The following KIF1B variants were observed in gnomAD, a reference collection of about 807,000 sequenced individuals.
KIF1B encodes the protein kinesin family member 1B.
In KIF1B, 76 loss-of-function variants were observed where a neutral mutation model predicts 241.9. The observed-to-expected ratio is 0.31, with a 90% CI of 0.26 to 0.38. The LOEUF (loss-of-function observed/expected upper bound fraction) is 0.38. Ranked by LOEUF, KIF1B falls within the 10% of genes least tolerant of loss-of-function variation. KIF1B has a pLI of 1.00. For missense variants in KIF1B, 1,622 were observed against 2,271.4 expected, an observed-to-expected ratio of 0.71 and a Z score of 5.81; for synonymous variants, 750 against 796.7, an observed-to-expected ratio of 0.94 and a Z score of 0.99.
chr1:10,292,029 T>G lies in KIF1B; in HGVS notation c.1515-18T>G, dbSNP rs375149695. 3.0e-5 allele frequency: 48 copies of G among 1,608,164 alleles called. No homozygotes were observed. The highest frequency in any genetic ancestry group is 3.8e-5 in the Non-Finnish European group (45 of 1,174,588). On this transcript the variant is annotated intron_variant, in intron 16 of 48. Coordinates refer to ENST00000676179, the MANE Select transcript of KIF1B (RefSeq NM_001365951.3). ...ACATTTTGGTATTAGTGTTCTGATA[T>G]ACCTGTTTTTTTCCTAGAGAGGCTT...
intron 2 of KIF1B, among the ~76,000 whole-genome samples, chr1:10,250,950 G>A (rs995729730): frequency 6.6e-6 from 1 of 152,120 alleles, no homozygotes; most frequent in Non-Finnish European, 1.5e-5. Flanking sequence ...ATCACCTGAG[G>A]TAAGGATCCT....
In KIF1B at chr1:10,377,739, C is replaced by G; in HGVS notation, c.*1152C>G. ...AGATCACGAGATCAGGAGTTCAAGA[C>G]CAGCCTGGCCAATATGATGAAACCC... is the stretch of plus-strand genomic sequence containing the variant. On this transcript the variant is annotated 3_prime_UTR_variant, in exon 49 of 49. Transcript: ENST00000676179. 5.4e-6 allele frequency: 1 copy of G among 185,750 alleles called. No homozygotes were observed. Among genetic ancestry groups the G allele is most frequent in the Admixed American group, 6.2e-5 (1 of 16,080 alleles). The allele number at this position is 185,750 out of a possible 1,614,324, so 11.5% of individuals were successfully genotyped here.
chr1:10,331,380 G>A (rs1230514710), intron 27 of KIF1B, among the ~76,000 whole-genome samples: 4 of 152,038 alleles, frequency 2.6e-5, no homozygotes, highest in East Asian at 3.8e-4. Context: ...TCATTCTTAC[G>A]TTTTTTTACA....
rs1485117596 is a variant in KIF1B at position 10,267,455 on chromosome 1, C to T, written c.505C>T (p.Arg169Cys). Residue 169 changes from arginine to cysteine, a missense_variant, in exon 6 of 49, where the codon CGT becomes TGT. Arg to Cys is a radical substitution (Grantham distance 180). Around this residue, in one of 7 missense-constraint regions of KIF1B, gnomAD observed 156 missense variants for 244.8 expected, o/e 0.64. Coordinates refer to ENST00000676179, the MANE Select transcript of KIF1B (RefSeq NM_001365951.3). ...AAAAAACAAGGGTAATTTGCGTGTGCGTGAACACCCACTTCTTGGACCCTA... is the reference window on the plus strand; with the variant it reads ...AAAAAACAAGGGTAATTTGCGTGTGTGTGAACACCCACTTCTTGGACCCTA... ...NPKNKGNLRV[R>C]EHPLLGPYVE... 1 of 1,614,132 alleles carries T rather than the reference C, an allele frequency of 6.2e-7. No individual in the cohort carries two copies. The highest frequency in any genetic ancestry group is 1.7e-5 in the Admixed American group (1 of 60,022).
Position 10,362,152 on chromosome 1 carries a change from A to T in KIF1B, c.4304+327A>T, listed in dbSNP as rs536512950. Among the ~76,000 whole-genome samples the T allele has an allele frequency of 4.6e-5, 7 of 152,316 alleles. No individual in the cohort carries two copies. In the South Asian group the frequency reaches 1.0e-3, roughly 23 times the overall value. On this transcript the variant is annotated intron_variant, in intron 40 of 48. Transcript: ENST00000676179. ...AATTTTCTTCTTTTTAAGATTTGTTATGCATATTTAAGGCATACAAAATAT... is the reference window on the plus strand; with the variant it reads ...AATTTTCTTCTTTTTAAGATTTGTTTTGCATATTTAAGGCATACAAAATAT...
chr1:10,262,098 C>G, intron 5 of KIF1B, 128 bp downstream of exon 5: 1 of 744,056 alleles, frequency 1.3e-6, no homozygotes, highest in South Asian at 1.5e-5. Context: ...TCCTTTCAGG[C>G]TATTTCTGGG....
chr1:10,358,519 C>CCCCG (rs1275760703), intron 38 of KIF1B, among the ~76,000 whole-genome samples: 1 of 151,988 alleles, frequency 6.6e-6, no homozygotes, highest in African/African-American at 2.4e-5. Context: ...GACAAATAAG[C>CCCCG]CCCGCCCCTT....
Position 10,303,112 on chromosome 1 carries a change from A to G in KIF1B, c.2115+5866A>G. On this transcript the variant is annotated intron_variant, in intron 22 of 48. Transcript: ENST00000676179. This position sits in a 1 kb window ranked among gnomAD's most constrained non-coding sequence, Gnocchi z 5.2. ...CTTCGATTTAATTTTCCTTTTTTAC[A>G]TTTTAATTTTGGTTATTTTGGGGCC... 1.9e-6 allele frequency: 3 copies of G among 1,573,710 alleles called. No individual in the cohort carries two copies. Among genetic ancestry groups the G allele is most frequent in the Non-Finnish European group, 2.6e-6 (3 of 1,163,590 alleles).
intron 22 of KIF1B, chr1:10,306,939 G>T: frequency 9.6e-7 from 1 of 1,045,150 alleles, no homozygotes. Flanking sequence ...TGGTGATTAG[G>T]TAATACTGTA....
chr1:10,276,668 G>C (rs753226873), intron 12 of KIF1B, among the ~76,000 whole-genome samples: 1 of 152,102 alleles, frequency 6.6e-6, no homozygotes, highest in Non-Finnish European at 1.5e-5. Flanking sequence ...TTTTTCATAG[G>C]AAAGATTTTT....
rs925443785 is a variant in KIF1B, at chr1:10,304,185, TAAA to T, written c.2115+6940_2115+6942del. On this transcript the variant is annotated intron_variant, in intron 22 of 48. Transcript: ENST00000676179. ...AAGACGATGAAGCAAGGAAAGGGAA[TAAA>T]GAAGAGAGCCAAGAAAAAGGGGGTA... 1.2e-5 allele frequency: 19 copies of T among 1,613,732 alleles called. No individual in the cohort carries two copies. The highest frequency in any genetic ancestry group is 1.5e-5 in the Non-Finnish European group (18 of 1,179,972).
intron 14 of KIF1B, among the ~76,000 whole-genome samples, chr1:10,280,181 G>A (rs1649334594): frequency 6.8e-6 from 1 of 146,364 alleles, no homozygotes; most frequent in Non-Finnish European, 1.6e-5. Flanking sequence ...GAAGAAAAAT[G>A]TCTTGATTTT....
intron 37 of KIF1B, among the ~76,000 whole-genome samples, chr1:10,351,746 G>A (rs777416278): frequency 3.9e-5 from 6 of 152,132 alleles, no homozygotes; most frequent in Admixed American, 2.6e-4. Context: ...CAGGAGGATC[G>A]TTTGAGCTCA....
At chr1:10,339,367 T>C (rs573516248) in intron 31 of KIF1B, among the ~76,000 whole-genome samples, 5 of 152,360 alleles carry the variant, frequency 3.3e-5, no homozygotes, top group East Asian at 1.9e-4. Context: ...CAGACTCTTA[T>C]GTAACTATGC....
chr1:10,343,109 C>G, intron 33 of KIF1B, 123 bp from the exon 34 acceptor site: 1 of 958,984 alleles, frequency 1.0e-6, no homozygotes, highest in Non-Finnish European at 1.6e-6. Context: ...TACGTACATT[C>G]TCACTCCTAC....
At chr1:10,312,039 C>G (rs539871940) in intron 22 of KIF1B, among the ~76,000 whole-genome samples, 1 of 151,308 alleles carries the variant, frequency 6.6e-6, no homozygotes, top group Non-Finnish European at 1.5e-5. Flanking sequence ...ATTCTGTCTG[C>G]AAACCTCTGC....
intron 7 of KIF1B, among the ~76,000 whole-genome samples, chr1:10,271,299 G>A (rs1013158357): frequency 1.3e-5 from 2 of 152,168 alleles, no homozygotes; most frequent in Non-Finnish European, 2.9e-5. Context: ...TGGGACTACA[G>A]GCATGTGCCA....
chr1:10,223,253 CAAAAA>C (rs1646868126), intron 1 of KIF1B, among the ~76,000 whole-genome samples: 1 of 151,922 alleles, frequency 6.6e-6, no homozygotes, highest in Non-Finnish European at 1.5e-5. Context: ...GACTCTGTCT[CAAAAA>C]CAAAACAAAA....
At chr1:10,348,522 T>C (rs114469934) in intron 36 of KIF1B, 127 bp from the exon 37 acceptor site, 2 of 731,232 alleles carry the variant, frequency 2.7e-6, no homozygotes, top group Non-Finnish European at 5.0e-6. Context: ...GTGGATAGCA[T>C]TTTCCGTCTT....
Sources: gnomAD v4.1 joint callset for allele counts (sites outside exome capture counted in the v4.1 genomes callset) on GRCh38, gnomAD v4.1.1 for gene constraint, gnomAD v4.1.1 regional missense constraint, Gnocchi (gnomAD v3.1) non-coding constraint, MANE v1.5 for transcripts, NCBI Gene and HGNC (gene_info 2026-07-23, HGNC 2026-07-21) for gene names.